CSMD1: variants seen among roughly 807,000 people sequenced by gnomAD.
CSMD1 encodes CUB and Sushi multiple domains 1.
CSMD1 carries 213 observed loss-of-function variants against 417.5 expected under a neutral mutation model. The observed-to-expected ratio is 0.51, with a 90% CI of 0.46 to 0.57. The LOEUF is 0.57. Among genes scored for constraint, CSMD1 ranks in the 20% least tolerant of loss-of-function variants. CSMD1 has a pLI of 0.00. For missense variants in CSMD1, 6,923 were observed against 4,529.7 expected (o/e 1.53, Z -15.17); for synonymous variants, 2,862 against 1,736.8 (o/e 1.65, Z -16.11).
intron 3 of CSMD1, among the ~76,000 whole-genome samples, chr8:4,119,008 A>G (rs141321943): frequency 1.3e-5 from 2 of 152,176 alleles, no homozygotes. Flanking sequence ...ACCAAACACC[A>G]CATGTTCTCA....
intron 1 of CSMD1, among the ~76,000 whole-genome samples, chr8:4,774,730 T>C (rs1796761096): frequency 6.6e-6 from 1 of 152,170 alleles, no homozygotes; most frequent in African/African-American, 2.4e-5. Context: ...GCCATGCCTT[T>C]GTTGCTATTC....
At chr8:4,765,863 G>C (rs928179887) in intron 1 of CSMD1, among the ~76,000 whole-genome samples, 3 of 152,140 alleles carry the variant, frequency 2.0e-5, no homozygotes, top group Non-Finnish European at 4.4e-5. Flanking sequence ...GATTTCTCTT[G>C]GCCCAGAAGC....
rs1786345755 is a variant in CSMD1 at position 3,475,836 on chromosome 8, C to G, written c.1449-7012G>C. On this transcript the variant is annotated intron_variant, in intron 11 of 69. Transcript: ENST00000635120. ...TACAACTAGGGCACTTTGTGAGTAC[C>G]TTTAACTCTTTGAGAGTGTAACTAA... 5.9e-5 allele frequency among the ~76,000 whole-genome samples: 9 copies of G among 152,180 alleles called. No individual in the cohort carries two copies. The South Asian group carries it at 1.7e-3, about 28-fold the overall frequency.
intron 10 of CSMD1, among the ~76,000 whole-genome samples, chr8:3,505,972 G>T (rs1373090143): frequency 6.6e-6 from 1 of 152,176 alleles, no homozygotes; most frequent in African/African-American, 2.4e-5. Flanking sequence ...AAGGAAGAGG[G>T]TTGAGTGGAT....
chr8:4,415,485 A>T (rs1330175304), intron 3 of CSMD1, among the ~76,000 whole-genome samples: 1 of 152,142 alleles, frequency 6.6e-6, no homozygotes, highest in African/African-American at 2.4e-5. Flanking sequence ...GATGGCCTCT[A>T]CATGGCCCAC....
chr8:4,193,277 C>T (rs1362682443), intron 3 of CSMD1, among the ~76,000 whole-genome samples: 2 of 152,094 alleles, frequency 1.3e-5, no homozygotes, highest in Non-Finnish European at 2.9e-5. Context: ...TTGCATCACA[C>T]GTGTATTAAA....
chr8:4,516,123 A>T (rs1563248563), intron 2 of CSMD1, among the ~76,000 whole-genome samples: 1 of 152,100 alleles, frequency 6.6e-6, no homozygotes, highest in Non-Finnish European at 1.5e-5. Flanking sequence ...TTTAGAGAGT[A>T]ATTAAGATTA....
At chr8:3,812,594 C>T (rs1443916012) in intron 5 of CSMD1, among the ~76,000 whole-genome samples, 1 of 152,128 alleles carries the variant, frequency 6.6e-6, no homozygotes, top group African/African-American at 2.4e-5. Context: ...AATACTTACG[C>T]TATAAAGGGC....
In CSMD1 at chr8:4,980,003, C is replaced by G. The variant is rs186874181; in HGVS notation, c.85+14329G>C. The stretch of plus-strand genomic sequence containing the variant: ...CAGTGAGCCAAGATAGTGCACTGCA[C>G]TCCAGCCTGGGCGACAGAGTGAGAC... On this transcript the variant is annotated intron_variant, in intron 1 of 69. Coordinates refer to ENST00000635120, the MANE Select transcript of CSMD1 (RefSeq NM_033225.6). Among the ~76,000 whole-genome samples the G allele has an allele frequency of 2.2e-3, 340 of 152,270 alleles. 1 individual carries two copies. The highest frequency in any genetic ancestry group is 7.8e-3 in the African/African-American group (324 of 41,556).
chr8:4,907,118 T>C (rs997325703), intron 1 of CSMD1, among the ~76,000 whole-genome samples: 1 of 152,238 alleles, frequency 6.6e-6, no homozygotes, highest in Non-Finnish European at 1.5e-5. Context: ...TGCTGCTTTC[T>C]GTGTGTGCAA....
chr8:3,388,787 G>C (rs776969528), intron 17 of CSMD1, among the ~76,000 whole-genome samples: 3 of 152,122 alleles, frequency 2.0e-5, no homozygotes, highest in East Asian at 1.9e-4. Context: ...TCCAACTCTG[G>C]AGGAGCTTTC....
intron 11 of CSMD1, among the ~76,000 whole-genome samples, chr8:3,492,167 G>A (rs952597369): frequency 1.3e-5 from 2 of 152,108 alleles, no homozygotes; most frequent in African/African-American, 4.8e-5. Context: ...GTGGGCGTGG[G>A]TTTCAGGAGA....
At chr8:3,533,076 T>C (rs993892187) in intron 10 of CSMD1, among the ~76,000 whole-genome samples, 1 of 152,156 alleles carries the variant, frequency 6.6e-6, no homozygotes, top group Non-Finnish European at 1.5e-5. Context: ...TCGTAATTCA[T>C]CCAATGTACC....
Position 3,412,111 on chromosome 8 carries a change from C to CAT in CSMD1, c.1562-2508_1562-2507dup, listed in dbSNP as rs1405458640. Among the ~76,000 whole-genome samples the CAT allele has an allele frequency of 3.3e-4, 35 of 106,796 alleles. 2 individuals carry two copies. The highest frequency in any genetic ancestry group is 1.4e-3 in the African/African-American group (30 of 21,862). 70.1% of individuals were successfully genotyped at this position (106,796 alleles called of 152,430 possible). A position where few individuals can be genotyped will look rare whatever the true frequency, so the allele number is the denominator to read the frequency against. ...ATACACACGTATATATACATATATACATATATACACACGTATATATACATA... is the reference window on the plus strand; with the variant it reads ...ATACACACGTATATATACATATATACATATATATACACACGTATATATACATA... On this transcript the variant is annotated intron_variant, in intron 12 of 69. Coordinates refer to ENST00000635120, the MANE Select transcript of CSMD1 (RefSeq NM_033225.6).
chr8:3,667,109 G>A (rs777254763), intron 7 of CSMD1, among the ~76,000 whole-genome samples: 8 of 152,080 alleles, frequency 5.3e-5, no homozygotes, highest in Non-Finnish European at 1.2e-4. Flanking sequence ...AATCTTGTAG[G>A]CATTAGGGAT....
intron 1 of CSMD1, among the ~76,000 whole-genome samples, chr8:4,784,302 C>T (rs967661304): frequency 6.6e-6 from 1 of 152,228 alleles, no homozygotes; most frequent in Admixed American, 6.5e-5. Context: ...AGATTTGGCT[C>T]CCAACTCAAA....
chr8:4,590,272 T>C (rs1026216637), intron 2 of CSMD1, among the ~76,000 whole-genome samples: 2 of 152,036 alleles, frequency 1.3e-5, no homozygotes, highest in Admixed American at 6.6e-5. Flanking sequence ...ATGGTGACCA[T>C]GGGGACAGAA....
intron 5 of CSMD1, among the ~76,000 whole-genome samples, chr8:3,961,631 T>C (rs939859661): frequency 1.3e-5 from 2 of 152,216 alleles, no homozygotes; most frequent in Non-Finnish European, 2.9e-5. Flanking sequence ...ACAAAATCTG[T>C]TTTATGTAAC....
chr8:3,092,042 T>C (rs1331120843), intron 47 of CSMD1, among the ~76,000 whole-genome samples: 1 of 152,178 alleles, frequency 6.6e-6, no homozygotes, highest in Non-Finnish European at 1.5e-5. Context: ...GTAGAATCAC[T>C]TTGGAGGGCT....
Sources: allele counts gnomAD v4.1 joint callset (sites outside exome capture counted in the v4.1 genomes callset), GRCh38; gene constraint gnomAD v4.1.1; transcripts MANE v1.5; gene names NCBI Gene and HGNC (gene_info 2026-07-23, HGNC 2026-07-21).